Variants in MTUS2 observed in about 807,000 individuals in gnomAD.
The protein encoded by MTUS2 is microtubule-associated tumor suppressor candidate 2.
A neutral mutation model predicts 114.1 loss-of-function variants in MTUS2; 40 were observed. The observed-to-expected ratio is 0.35, with a 90% CI of 0.27 to 0.46. The LOEUF (loss-of-function observed/expected upper bound fraction) is 0.46. Among genes scored for constraint, MTUS2 ranks in the 20% least tolerant of loss-of-function variants. The pLI, the probability that MTUS2 is intolerant of heterozygous loss-of-function variation, is 1.00. For synonymous variants in MTUS2, 688 were observed against 672.0 expected, an observed-to-expected ratio of 1.02 and a Z score of -0.37; for missense variants, 1,679 against 1,705.4, an observed-to-expected ratio of 0.98 and a Z score of 0.27.
intron 6 of MTUS2, among the ~76,000 whole-genome samples, chr13:29,288,846 G>A (rs1898593096): frequency 1.3e-5 from 2 of 152,180 alleles, no homozygotes; most frequent in South Asian, 2.1e-4. Context: ...TCATCACAGA[G>A]TAGCACCTAC....
At chr13:29,184,175 G>C (rs933079242) in intron 5 of MTUS2, among the ~76,000 whole-genome samples, 2 of 151,996 alleles carry the variant, frequency 1.3e-5, no homozygotes, top group Non-Finnish European at 2.9e-5. Context: ...ATTTACTGGT[G>C]GCTAAATGTA....
intron 9 of MTUS2, chr13:29,476,555 A>T (rs1033590606): frequency 1.8e-5 from 1 of 55,858 alleles, no homozygotes. Context: ...TTCACATACC[A>T]TACAACCCAC....
intron 2 of MTUS2, among the ~76,000 whole-genome samples, chr13:29,017,522 C>A (rs1439548772): frequency 1.3e-5 from 2 of 152,116 alleles, no homozygotes; most frequent in Non-Finnish European, 2.9e-5. Flanking sequence ...AAACATCCCC[C>A]AAATTTTCTT....
chr13:29,403,222 C>A (rs1874486174), intron 8 of MTUS2, among the ~76,000 whole-genome samples: 2 of 152,114 alleles, frequency 1.3e-5, no homozygotes. Flanking sequence ...AAGAACTGGC[C>A]ACTACTTTTG....
chr13:28,885,677 T>C (rs147625330), intron 2 of MTUS2, among the ~76,000 whole-genome samples: 48 of 152,306 alleles, frequency 3.2e-4, no homozygotes, highest in Non-Finnish European at 6.3e-4. Flanking sequence ...CATGCTTGTA[T>C]GGACCAATCT....
chr13:28,883,294 A>G (rs1287570083), intron 2 of MTUS2, among the ~76,000 whole-genome samples: 3 of 152,224 alleles, frequency 2.0e-5, no homozygotes, highest in Non-Finnish European at 4.4e-5. Flanking sequence ...CAATTGCACT[A>G]TTGAGTATTT....
chr13:29,190,010 T>C lies in MTUS2; in HGVS notation c.2644+89040T>C, dbSNP rs567791017. ...GATAGATTGCTCTTCCCTTCAGCCA[T>C]ATGAGGACATAGTGAAAAGATGGCT... is the stretch of plus-strand genomic sequence containing the variant. On this transcript the variant is annotated intron_variant, in intron 5 of 15. Coordinates refer to ENST00000612955, the MANE Select transcript of MTUS2 (RefSeq NM_001033602.4). Among the ~76,000 whole-genome samples the C allele has an allele frequency of 2.5e-3, 377 of 152,340 alleles. 3 individuals carry two copies. Among genetic ancestry groups the C allele is most frequent in the Non-Finnish European group, 4.2e-3 (283 of 68,028 alleles).
intron 9 of MTUS2, among the ~76,000 whole-genome samples, chr13:29,468,744 C>G (rs1486578484): frequency 1.3e-5 from 2 of 152,148 alleles, no homozygotes; most frequent in Non-Finnish European, 2.9e-5. Flanking sequence ...CTGCTTCACC[C>G]ATCTTTGCAA....
intron 4 of MTUS2, among the ~76,000 whole-genome samples, chr13:29,055,769 G>C (rs779395074): frequency 5.3e-5 from 8 of 152,006 alleles, no homozygotes; most frequent in Non-Finnish European, 1.0e-4. Flanking sequence ...TGAGATGGTA[G>C]TTCATTGTGG....
chr13:29,244,983 T>TAAAAAAAAAAAAAAAAAA (rs1156962360), intron 5 of MTUS2, among the ~76,000 whole-genome samples: 3 of 98,572 alleles, frequency 3.0e-5, no homozygotes, highest in East Asian at 3.5e-4. Flanking sequence ...AAAAAAAAAG[T>TAAAAAAAAAAAAAAAAAA]AAAAGTCTGT....
intron 5 of MTUS2, among the ~76,000 whole-genome samples, chr13:29,202,358 A>T (rs1894994019): frequency 6.6e-6 from 1 of 151,924 alleles, no homozygotes; most frequent in Non-Finnish European, 1.5e-5. Flanking sequence ...GCTCCATCAG[A>T]TCATTTGTGT....
At chr13:29,055,722 C>T (rs1292830583) in intron 4 of MTUS2, among the ~76,000 whole-genome samples, 9 of 151,850 alleles carry the variant, frequency 5.9e-5, no homozygotes, top group Non-Finnish European at 5.9e-5. Context: ...GCATCTCTTA[C>T]TTTTTGACTT....
chr13:29,346,424 ATG>A (rs1868691742), intron 7 of MTUS2, among the ~76,000 whole-genome samples: 1 of 151,982 alleles, frequency 6.6e-6, no homozygotes, highest in African/African-American at 2.4e-5. Flanking sequence ...CAATGGAGTT[ATG>A]TTCCCAGGGG....
At chr13:29,168,286 C>T (rs139371649) in intron 5 of MTUS2, among the ~76,000 whole-genome samples, 141 of 152,256 alleles carry the variant, frequency 9.3e-4, no homozygotes, top group African/African-American at 3.2e-3. Flanking sequence ...TTCAGATTTC[C>T]GCTGAGCTCC....
intron 5 of MTUS2, among the ~76,000 whole-genome samples, chr13:29,264,676 C>A (rs573324567): frequency 1.3e-5 from 2 of 152,368 alleles, no homozygotes; most frequent in South Asian, 4.1e-4. Context: ...AGGCTTACAG[C>A]TTGCACCCTC....
chr13:29,195,246 T>TAATAC (rs1555249946), intron 5 of MTUS2, among the ~76,000 whole-genome samples: 1 of 56,084 alleles, frequency 1.8e-5, no homozygotes, highest in African/African-American at 6.3e-5. Flanking sequence ...AGTATAATAA[T>TAATAC]AATAAAATAA....
chr13:28,881,447 G>C (rs1878284459), intron 2 of MTUS2, among the ~76,000 whole-genome samples: 1 of 152,098 alleles, frequency 6.6e-6, no homozygotes, highest in South Asian at 2.1e-4. Flanking sequence ...TATGAATGCA[G>C]GTATCTTTTT....
chr13:29,428,391 C>A (rs779162205), intron 8 of MTUS2, among the ~76,000 whole-genome samples: 7 of 152,258 alleles, frequency 4.6e-5, no homozygotes, highest in Non-Finnish European at 1.0e-4. Flanking sequence ...TTCCTGCGTC[C>A]GCTCCAGGCG....
chr13:28,932,355 G>T (rs1013071182), intron 2 of MTUS2, among the ~76,000 whole-genome samples: 4 of 152,174 alleles, frequency 2.6e-5, no homozygotes, highest in African/African-American at 9.7e-5. Context: ...GAAATATGTG[G>T]GAGGATGTGT....
Sources: gnomAD v4.1 joint callset for allele counts (sites outside exome capture counted in the v4.1 genomes callset) on GRCh38, gnomAD v4.1.1 for gene constraint, MANE v1.5 for transcripts, NCBI Gene and HGNC (gene_info 2026-07-23, HGNC 2026-07-21) for gene names.